STXBP5: variants seen among roughly 807,000 people sequenced by gnomAD.
STXBP5 encodes syntaxin binding protein 5.
STXBP5 carries 50 observed loss-of-function variants against 152.4 expected under a neutral mutation model. The observed-to-expected ratio is 0.33, with a 90% CI of 0.26 to 0.42. The LOEUF is 0.42. STXBP5 is among the 10% of genes least tolerant of loss of function. The probability of loss-of-function intolerance (pLI) is 1.00; values close to 1 mark genes in which losing one functional copy is unlikely to be tolerated. For missense variants in STXBP5, 1,167 were observed against 1,388.6 expected (o/e 0.84, Z 2.54); for synonymous variants, 492 against 494.7 (o/e 0.99, Z 0.07).
intron 3 of STXBP5, among the ~76,000 whole-genome samples, chr6:147,237,108 T>G (rs1778316136): frequency 2.0e-5 from 3 of 152,122 alleles, no homozygotes; most frequent in Admixed American, 2.0e-4. Flanking sequence ...GTTAAGATTA[T>G]TTTTTAAATC....
At chr6:147,220,602 T>C (rs1489825610) in intron 2 of STXBP5, among the ~76,000 whole-genome samples, 1 of 152,166 alleles carries the variant, frequency 6.6e-6, no homozygotes, top group Non-Finnish European at 1.5e-5. Flanking sequence ...TCTTGGAGAA[T>C]TGACTCTTTT....
intron 7 of STXBP5, among the ~76,000 whole-genome samples, chr6:147,271,615 CAA>C (rs1780174132): frequency 6.6e-6 from 1 of 151,858 alleles, no homozygotes; most frequent in Non-Finnish European, 1.5e-5. Context: ...AACGATTTAC[CAA>C]GTCCTGTAGG....
At chr6:147,237,538 T>C (rs1778339368) in intron 3 of STXBP5, among the ~76,000 whole-genome samples, 1 of 152,170 alleles carries the variant, frequency 6.6e-6, no homozygotes, top group Non-Finnish European at 1.5e-5. Context: ...AAATAAGAAA[T>C]AGCAGTACAA....
intron 23 of STXBP5, among the ~76,000 whole-genome samples, chr6:147,362,929 T>G (rs964405306): frequency 2.1e-4 from 32 of 152,354 alleles, no homozygotes; most frequent in African/African-American, 7.2e-4. Context: ...CCCAGTGCTC[T>G]GCAGCCACAT....
At position 147,339,068 on chromosome 6, in the gene STXBP5, A is replaced by G. The variant is rs900515731; in HGVS notation, c.2147-111A>G. 20 of 879,984 alleles carry G rather than the reference A, an allele frequency of 2.3e-5. 1 individual carries two copies. The South Asian group carries it at 3.1e-4, about 14-fold the overall frequency. 54.5% of individuals were successfully genotyped at this position (879,984 alleles called of 1,614,324 possible). On this transcript the variant is annotated intron_variant, in intron 19 of 27. Transcript: ENST00000321680. ...GCCTCTTCTTGTGGTCACTAACATGATAACTTGTTTTGAAAGTTACCAGAT... is the reference window on the plus strand; with the variant it reads ...GCCTCTTCTTGTGGTCACTAACATGGTAACTTGTTTTGAAAGTTACCAGAT...
rs372331133 is a variant in STXBP5, at chr6:147,373,841, A to G, written c.3192A>G (p.Leu1064=). ...GGAQSLDREE[L]FGESSSGKAS... Reference sequence around the variant, plus strand: ...CACAATCTCTTGACAGAGAAGAACTATGTAAGTTGATTTATTTAATTCGGA... The same window carrying G: ...CACAATCTCTTGACAGAGAAGAACTGTGTAAGTTGATTTATTTAATTCGGA... The change falls in exon 26 of 28, where the codon CTA becomes CTG. Residue 1064 remains leucine (L), a splice_region_variant and synonymous_variant. Transcript: ENST00000321680. 8.1e-6 allele frequency: 13 copies of G among 1,604,168 alleles called. No individual in the cohort carries two copies. Among genetic ancestry groups the G allele is most frequent in the South Asian group, 1.1e-5 (1 of 90,582 alleles).
chr6:147,280,717 T>C (rs1562459322), intron 8 of STXBP5, among the ~76,000 whole-genome samples: 1 of 152,206 alleles, frequency 6.6e-6, no homozygotes. Context: ...GTAAGTGGTA[T>C]AAATCAGTTT....
chr6:147,315,776 A>T (rs772686409), intron 15 of STXBP5, 41 bp downstream of exon 15: 2 of 1,565,318 alleles, frequency 1.3e-6, no homozygotes, highest in Non-Finnish European at 1.8e-6. Flanking sequence ...AGTTATTTTC[A>T]TCCACATTTT....
At chr6:147,372,773 T>C (rs1785623395) in intron 25 of STXBP5, among the ~76,000 whole-genome samples, 1 of 152,084 alleles carries the variant, frequency 6.6e-6, no homozygotes, top group African/African-American at 2.4e-5. Flanking sequence ...TTTCCTCTTT[T>C]TGTATTGTCA....
At chr6:147,333,535 A>G (rs1442688719) in intron 18 of STXBP5, among the ~76,000 whole-genome samples, 1 of 152,210 alleles carries the variant, frequency 6.6e-6, no homozygotes, top group African/African-American at 2.4e-5. Flanking sequence ...AAAAACAAAC[A>G]AAAAATATGA....
intron 10 of STXBP5, 63 bp downstream of exon 10, chr6:147,310,301 ACCTAGGTTGTTT>A: frequency 4.0e-6 from 4 of 993,804 alleles, no homozygotes; most frequent in Non-Finnish European, 5.4e-6. Context: ...AAAAAAAAAG[ACCTAGGTTGTTT>A]AGATAAAACT....
chr6:147,239,109 GA>G (rs1778414077), intron 3 of STXBP5, 60 bp from the exon 4 acceptor site: 1 of 1,443,386 alleles, frequency 6.9e-7, no homozygotes, highest in African/African-American at 1.4e-5. Flanking sequence ...GGCAGCTATT[GA>G]GTAGACTTCA....
At chr6:147,320,087 C>T (rs1040880867) in intron 16 of STXBP5, among the ~76,000 whole-genome samples, 6 of 151,968 alleles carry the variant, frequency 3.9e-5, no homozygotes, top group Non-Finnish European at 5.9e-5. Context: ...CTGCCTGCCT[C>T]GGCCTCCCAA....
rs1051000577 is a variant in STXBP5, at chr6:147,287,392, C to T, written c.839-3702C>T. Among the ~76,000 whole-genome samples, 126 of 151,046 alleles carry T rather than the reference C, an allele frequency of 8.3e-4. 1 individual carries two copies. Among genetic ancestry groups the T allele is most frequent in the Non-Finnish European group, 1.5e-3 (105 of 67,748 alleles). On this transcript the variant is annotated intron_variant, in intron 8 of 27. Transcript: ENST00000321680. ...TAATTTTTTGTATTTTTAGTAGAGA[C>T]GGGGTTTCACCGTTTTAGCCGGGAT...
intron 2 of STXBP5, among the ~76,000 whole-genome samples, chr6:147,224,087 A>G (rs117050209): frequency 0.019 from 2,886 of 152,310 alleles, 43 homozygotes; most frequent in Middle Eastern, 0.061. Context: ...CGAGCAATAT[A>G]AAAGACCTTG....
intron 21 of STXBP5, among the ~76,000 whole-genome samples, chr6:147,345,056 A>G (rs528712202): frequency 1.3e-5 from 2 of 152,240 alleles, no homozygotes; most frequent in East Asian, 1.9e-4. Flanking sequence ...TATAGATTCT[A>G]TGGGTATTTT....
chr6:147,206,559 A>G, intron 2 of STXBP5, among the ~76,000 whole-genome samples: 1 of 152,166 alleles, frequency 6.6e-6, no homozygotes. Flanking sequence ...GTAGCAAATT[A>G]ATTTTCTATG....
At chr6:147,287,193 C>CA (rs1781013532) in intron 8 of STXBP5, among the ~76,000 whole-genome samples, 1 of 108,374 alleles carries the variant, frequency 9.2e-6, no homozygotes, top group Admixed American at 1.1e-4. Flanking sequence ...CTTAATTGTA[C>CA]ATTTTTTTTT....
At chr6:147,367,255 G>A (rs1266920349) in intron 25 of STXBP5, among the ~76,000 whole-genome samples, 1 of 152,158 alleles carries the variant, frequency 6.6e-6, no homozygotes, top group East Asian at 1.9e-4. Context: ...AAAAATAACA[G>A]TGTTTGAACT....
Sources: gnomAD v4.1 joint callset for allele counts (sites outside exome capture counted in the v4.1 genomes callset) on GRCh38, gnomAD v4.1.1 for gene constraint, MANE v1.5 for transcripts, NCBI Gene and HGNC (gene_info 2026-07-23, HGNC 2026-07-21) for gene names.